Variants in SETBP1 observed in about 807,000 individuals in gnomAD.
SETBP1 encodes SET binding protein 1.
SETBP1 carries 9 observed loss-of-function variants against 101.0 expected under a neutral mutation model. The observed-to-expected ratio is 0.09, with a 90% CI of 0.05 to 0.16. SETBP1 has a LOEUF of 0.16. Ranked by LOEUF, SETBP1 falls within the 10% of genes least tolerant of loss-of-function variation. The probability of loss-of-function intolerance (pLI) is 1.00; values close to 1 mark genes in which losing one functional copy is unlikely to be tolerated. For synonymous variants in SETBP1, 818 were observed against 788.5 expected (o/e 1.04, Z -0.63); for missense variants, 1,858 against 2,033.8 (o/e 0.91, Z 1.66).
chr18:44,763,626 C>T (rs187362743), intron 2 of SETBP1, among the ~76,000 whole-genome samples: 12 of 152,338 alleles, frequency 7.9e-5, no homozygotes, highest in African/African-American at 1.9e-4. Flanking sequence ...AGCTATGAAA[C>T]GCTTTCTCCG....
At chr18:44,729,548 C>T (rs1170803467) in intron 2 of SETBP1, among the ~76,000 whole-genome samples, 1 of 152,138 alleles carries the variant, frequency 6.6e-6, no homozygotes, top group Non-Finnish European at 1.5e-5. Context: ...GAAGGGAGGC[C>T]TTGAAAAGAG....
At chr18:44,792,542 T>C (rs771814809) in intron 2 of SETBP1, among the ~76,000 whole-genome samples, 4 of 152,204 alleles carry the variant, frequency 2.6e-5, no homozygotes, top group Non-Finnish European at 5.9e-5. Flanking sequence ...AGCTGGCATG[T>C]GTACTTTTCC....
chr18:45,039,438 A>G (rs2073465678), intron 5 of SETBP1, among the ~76,000 whole-genome samples: 1 of 152,122 alleles, frequency 6.6e-6, no homozygotes, highest in South Asian at 2.1e-4. Context: ...CTCAATTCCT[A>G]ATTACATCCT....
chr18:45,024,853 A>T (rs1191738121), intron 4 of SETBP1, among the ~76,000 whole-genome samples: 2 of 152,228 alleles, frequency 1.3e-5, no homozygotes, highest in Non-Finnish European at 2.9e-5. Flanking sequence ...GATGCATTTA[A>T]CCTCATTAGT....
At chr18:45,001,878 C>T (rs1166054249) in intron 4 of SETBP1, among the ~76,000 whole-genome samples, 1 of 152,168 alleles carries the variant, frequency 6.6e-6, no homozygotes, top group Non-Finnish European at 1.5e-5. Context: ...AGGAAACTTA[C>T]TTAAGACAGA....
At chr18:44,710,624 G>A (rs978534651) in intron 2 of SETBP1, among the ~76,000 whole-genome samples, 2 of 152,056 alleles carry the variant, frequency 1.3e-5, no homozygotes, top group African/African-American at 2.4e-5. Flanking sequence ...GCTAACTTTT[G>A]TATTTTTAGT....
At chr18:44,931,070 G>C (rs2070822734) in intron 3 of SETBP1, among the ~76,000 whole-genome samples, 1 of 152,138 alleles carries the variant, frequency 6.6e-6, no homozygotes, top group Non-Finnish European at 1.5e-5. Flanking sequence ...TCTCTTGTGG[G>C]CATTTAGTGC....
At chr18:44,708,944 A>G (rs1186253795) in intron 2 of SETBP1, among the ~76,000 whole-genome samples, 1 of 152,184 alleles carries the variant, frequency 6.6e-6, no homozygotes, top group African/African-American at 2.4e-5. Flanking sequence ...CCGTCATCAA[A>G]TTGTTTCCTT....
Position 44,972,151 on chromosome 18 carries a change from A to C in SETBP1, c.4000+18811A>C, listed in dbSNP as rs371151256. Among the ~76,000 whole-genome samples the C allele has an allele frequency of 1.8e-3, 280 of 151,906 alleles. 1 individual carries two copies. Among genetic ancestry groups the C allele is most frequent in the African/African-American group, 6.0e-3 (249 of 41,428 alleles). ...ATAGGGAATCCTTTCCCCATTTCTT[A>C]TTTTTGTCAGGTTTGTCAAAGATCA... On this transcript the variant is annotated intron_variant, in intron 4 of 5. Transcript: ENST00000649279.
intron 3 of SETBP1, among the ~76,000 whole-genome samples, chr18:44,934,489 C>T (rs2070915202): frequency 6.6e-6 from 1 of 152,118 alleles, no homozygotes; most frequent in South Asian, 2.1e-4. Context: ...AAGTAACGAG[C>T]CTCAGTTCTC....
chr18:44,923,112 A>G (rs1381526400), intron 3 of SETBP1, among the ~76,000 whole-genome samples: 2 of 152,252 alleles, frequency 1.3e-5, no homozygotes, highest in Non-Finnish European at 1.5e-5. Context: ...CTAGAATAGC[A>G]GTACTGACAG....
intron 2 of SETBP1, among the ~76,000 whole-genome samples, chr18:44,868,599 G>A (rs891861640): frequency 7.2e-4 from 109 of 151,788 alleles, no homozygotes; most frequent in African/African-American, 2.5e-3. Context: ...GGAGGCTGAG[G>A]CAGGAGAATT....
intron 4 of SETBP1, among the ~76,000 whole-genome samples, chr18:44,965,824 G>GATGAGATCTCTA (rs1308676965): frequency 1.3e-5 from 2 of 152,186 alleles, no homozygotes; most frequent in Non-Finnish European, 2.9e-5. Context: ...CTTCCCTGGT[G>GATGAGATCTCTA]ATGAGATCTC....
chr18:44,681,567 C>T (rs75095624), intron 1 of SETBP1, among the ~76,000 whole-genome samples: 2 of 145,004 alleles, frequency 1.4e-5, no homozygotes, highest in Non-Finnish European at 3.0e-5. Context: ...CCCGCCCCCC[C>T]ATCCAGACCG....
At chr18:44,709,262 C>G (rs1047917179) in intron 2 of SETBP1, among the ~76,000 whole-genome samples, 1 of 152,094 alleles carries the variant, frequency 6.6e-6, no homozygotes, top group Non-Finnish European at 1.5e-5. Context: ...GGCAGAGTAA[C>G]CAGCAAAAAC....
intron 3 of SETBP1, among the ~76,000 whole-genome samples, chr18:44,929,743 T>C (rs1434786295): frequency 6.6e-6 from 1 of 152,162 alleles, no homozygotes; most frequent in Non-Finnish European, 1.5e-5. Context: ...GTTTGTCTGT[T>C]ATTGGTATAT....
At chr18:44,718,850 CGTA>C (rs2069523320) in intron 2 of SETBP1, among the ~76,000 whole-genome samples, 1 of 152,002 alleles carries the variant, frequency 6.6e-6, no homozygotes, top group Non-Finnish European at 1.5e-5. Context: ...GAAAGCACCT[CGTA>C]GTATCTCAAC....
intron 2 of SETBP1, among the ~76,000 whole-genome samples, chr18:44,850,634 G>A (rs1451245117): frequency 6.6e-6 from 1 of 152,058 alleles, no homozygotes; most frequent in Non-Finnish European, 1.5e-5. Flanking sequence ...GCCTCCCAAA[G>A]TGCTGGAATT....
chr18:44,690,049 C>G (rs1365015335), intron 1 of SETBP1, among the ~76,000 whole-genome samples: 1 of 152,174 alleles, frequency 6.6e-6, no homozygotes, highest in African/African-American at 2.4e-5. Flanking sequence ...CCGCTACCAG[C>G]TCTTCAGCAT....
Sources: allele counts gnomAD v4.1 joint callset (sites outside exome capture counted in the v4.1 genomes callset), GRCh38; gene constraint gnomAD v4.1.1; transcripts MANE v1.5; gene names NCBI Gene and HGNC (gene_info 2026-07-23, HGNC 2026-07-21).